CACNB4: variants seen among roughly 807,000 people sequenced by gnomAD.
CACNB4 encodes voltage-dependent L-type calcium channel subunit beta-4.
In CACNB4, 32 loss-of-function variants were observed where a neutral mutation model predicts 71.2. That is an observed-to-expected ratio of 0.45 (90% confidence interval 0.34 to 0.60). The LOEUF (loss-of-function observed/expected upper bound fraction) is 0.60, where lower values mean the gene tolerates loss of function less well. Among genes scored for constraint, CACNB4 ranks in the 20% least tolerant of loss-of-function variants. CACNB4 has a pLI of 0.01. For missense variants in CACNB4, 464 were observed against 647.9 expected (o/e 0.72, Z 3.08); for synonymous variants, 231 against 236.9 (o/e 0.97, Z 0.23).
intron 2 of CACNB4, chr2:151,971,410 G>A (rs938327618): frequency 1.2e-5 from 8 of 652,362 alleles, no homozygotes; most frequent in African/African-American, 7.2e-5. Flanking sequence ...ACCCCCAACC[G>A]AAGTGCCGTA....
At position 151,836,587 on chromosome 2, in the gene CACNB4, T is replaced by C. The variant is rs567063346; in HGVS notation, c.*2532A>G. The C allele has an allele frequency of 1.2e-4, 18 of 152,044 alleles. No homozygotes were observed. The South Asian group carries it at 1.7e-3, about 14-fold the overall frequency. The allele number at this position is 152,044 out of a possible 1,614,324, so 9.4% of individuals were successfully genotyped here. A position where few individuals can be genotyped will look rare whatever the true frequency, so the allele number is the denominator to read the frequency against. ...AATATACATTATACCCTTTCCAAGA[T>C]TGTCAGCTTTTGAATAAGAATGCAA... On this transcript the variant is annotated 3_prime_UTR_variant, in exon 14 of 14. Coordinates refer to ENST00000539935, the MANE Select transcript of CACNB4 (RefSeq NM_000726.5).
At chr2:152,019,043 A>T (rs1683510360) in intron 2 of CACNB4, among the ~76,000 whole-genome samples, 1 of 152,066 alleles carries the variant, frequency 6.6e-6, no homozygotes, top group Non-Finnish European at 1.5e-5. Context: ...GAATTCACAC[A>T]CCACAGTGTG....
At chr2:151,962,059 C>A (rs2099869808) in intron 2 of CACNB4, among the ~76,000 whole-genome samples, 1 of 152,212 alleles carries the variant, frequency 6.6e-6, no homozygotes, top group Non-Finnish European at 1.5e-5. Context: ...GTAAGCTCTG[C>A]TCTTTGGCTT....
intron 2 of CACNB4, among the ~76,000 whole-genome samples, chr2:152,072,806 G>C (rs1369007489): frequency 6.8e-6 from 1 of 147,474 alleles, no homozygotes; most frequent in Non-Finnish European, 1.5e-5. Context: ...AGGCCCAGCT[G>C]ATTTTTTTTT....
At chr2:151,923,916 A>C (rs898914542) in intron 2 of CACNB4, among the ~76,000 whole-genome samples, 9 of 152,118 alleles carry the variant, frequency 5.9e-5, no homozygotes, top group Admixed American at 2.0e-4. Flanking sequence ...AGGCAGTATA[A>C]TTCGGTAATT....
Position 152,098,844 on chromosome 2 carries a change from C to G in CACNB4, c.63+105G>C, listed in dbSNP as rs1484901197. On this transcript the variant is annotated intron_variant, in intron 1 of 13. Coordinates refer to ENST00000539935, the MANE Select transcript of CACNB4 (RefSeq NM_000726.5). This position sits in a 1 kb window ranked among gnomAD's most constrained non-coding sequence, Gnocchi z 5.3. ...GGAGCGGGGCCGCCGACTCCCGGGA[C>G]TGGGGCCCCGCACGCCCGGCACGAA... 1.9e-6 allele frequency: 2 copies of G among 1,051,014 alleles called. No individual in the cohort carries two copies. The highest frequency in any genetic ancestry group is 1.3e-6 in the Non-Finnish European group (1 of 744,828). The allele number at this position is 1,051,014 out of a possible 1,614,324, so 65.1% of individuals were successfully genotyped here.
intron 6 of CACNB4, chr2:151,871,330 T>C (rs2099844573): frequency 6.5e-6 from 1 of 154,600 alleles, no homozygotes; most frequent in South Asian, 2.0e-4. Flanking sequence ...CTTGGGCATT[T>C]TTGCCCATTT....
chr2:151,866,920 T>C (rs1292188120), intron 9 of CACNB4: 3 of 150,470 alleles, frequency 2.0e-5, no homozygotes, highest in African/African-American at 7.3e-5. Flanking sequence ...CCAACTTCAG[T>C]AGTATGTGTA....
At chr2:151,919,356 C>G (rs1481881533) in intron 2 of CACNB4, among the ~76,000 whole-genome samples, 1 of 152,128 alleles carries the variant, frequency 6.6e-6, no homozygotes, top group African/African-American at 2.4e-5. Flanking sequence ...CTTGGCCTCC[C>G]AAAGTGTTGG....
intron 2 of CACNB4, among the ~76,000 whole-genome samples, chr2:151,955,021 T>A (rs572118516): frequency 6.6e-6 from 1 of 151,710 alleles, no homozygotes; most frequent in South Asian, 2.1e-4. Context: ...GCCCAGCTAA[T>A]TTTTTTTGTA....
At chr2:151,879,779 TC>T (rs753240346) in intron 4 of CACNB4, 2 of 152,182 alleles carry the variant, frequency 1.3e-5, no homozygotes, top group African/African-American at 4.8e-5. Context: ...AAATCACTGA[TC>T]AACAAGCACA....
intron 2 of CACNB4, among the ~76,000 whole-genome samples, chr2:151,941,275 ATTTT>A (rs11346045): frequency 3.6e-5 from 4 of 112,308 alleles, no homozygotes; most frequent in Non-Finnish European, 7.1e-5. Context: ...AAAATGGTTA[ATTTT>A]TTTTTTTTTT....
intron 2 of CACNB4, among the ~76,000 whole-genome samples, chr2:151,888,568 AAAAT>A (rs1451028795): frequency 6.6e-6 from 1 of 152,170 alleles, no homozygotes; most frequent in East Asian, 1.9e-4. Context: ...CTGTCTCAAA[AAAAT>A]AAATAAATAA....
At chr2:151,902,687 T>A (rs1226219856) in intron 2 of CACNB4, among the ~76,000 whole-genome samples, 1 of 106,914 alleles carries the variant, frequency 9.4e-6, no homozygotes, top group Non-Finnish European at 2.7e-5. Context: ...CTGTCTTAAT[T>A]TATATTTTCT....
At chr2:151,971,004 A>T (rs6713227) in intron 2 of CACNB4, 68,675 of 152,282 alleles carry the variant, frequency 0.45, 19,582 homozygotes, top group Non-Finnish European at 0.64. Context: ...AAAAAAAAAA[A>T]AAAAGAATCT....
At chr2:151,937,311 T>C (rs1289355277) in intron 2 of CACNB4, among the ~76,000 whole-genome samples, 1 of 152,194 alleles carries the variant, frequency 6.6e-6, no homozygotes, top group Admixed American at 6.5e-5. Context: ...TGAAGTATTC[T>C]TTTTAAGTGT....
chr2:152,039,630 T>G (rs976800898), intron 2 of CACNB4, among the ~76,000 whole-genome samples: 1 of 152,226 alleles, frequency 6.6e-6, no homozygotes, highest in Non-Finnish European at 1.5e-5. Context: ...ATATGCTCTA[T>G]GTCTTAATGA....
rs1304978844 is a variant in CACNB4, at chr2:152,098,859, C to T, written c.63+90G>A. The T allele has an allele frequency of 8.8e-7, 1 of 1,141,082 alleles. No homozygotes were observed. The highest frequency in any genetic ancestry group is 1.6e-5 in the African/African-American group (1 of 63,166). The allele number at this position is 1,141,082 out of a possible 1,614,324, so 70.7% of individuals were successfully genotyped here. On this transcript the variant is annotated intron_variant, in intron 1 of 13. Coordinates refer to ENST00000539935, the MANE Select transcript of CACNB4 (RefSeq NM_000726.5). The surrounding 1 kb of genome is among the most constrained non-coding windows in gnomAD (Gnocchi z 5.3). ...ACTCCCGGGACTGGGGCCCCGCACG[C>T]CCGGCACGAAGGCGGGGCGCGCTAG...
intron 2 of CACNB4, among the ~76,000 whole-genome samples, chr2:151,965,373 G>A (rs575624185): frequency 6.6e-6 from 1 of 152,220 alleles, no homozygotes; most frequent in South Asian, 2.1e-4. Flanking sequence ...AACCAGGTGA[G>A]GCACAATTAT....
Sources: allele counts gnomAD v4.1 joint callset (sites outside exome capture counted in the v4.1 genomes callset), GRCh38; gene constraint gnomAD v4.1.1; non-coding constraint Gnocchi (gnomAD v3.1); transcripts MANE v1.5; gene names NCBI Gene and HGNC (gene_info 2026-07-23, HGNC 2026-07-21).